Variants in THRB observed in about 807,000 individuals in gnomAD.
THRB encodes nuclear receptor subfamily 1 group A member 2.
Under a neutral mutation model 47.8 loss-of-function variants are expected in THRB, and 12 were observed. The ratio of observed to expected loss-of-function variants is 0.25; its 90% CI spans 0.16 to 0.41. The LOEUF (loss-of-function observed/expected upper bound fraction) is 0.41. Ranked by LOEUF, THRB falls within the 10% of genes least tolerant of loss-of-function variation. The pLI is 1.00. For missense variants in THRB, 348 were observed against 589.2 expected (o/e 0.59, Z 4.24); for synonymous variants, 218 against 212.2 (o/e 1.03, Z -0.24).
chr3:24,245,579 C>T (rs2050029952), intron 3 of THRB, among the ~76,000 whole-genome samples: 1 of 152,154 alleles, frequency 6.6e-6, no homozygotes, highest in South Asian at 2.1e-4. Context: ...CCTCCCCGCA[C>T]AGGGACCACG....
At chr3:24,434,158 T>C (rs933352692) in intron 1 of THRB, among the ~76,000 whole-genome samples, 4 of 152,072 alleles carry the variant, frequency 2.6e-5, no homozygotes, top group African/African-American at 4.8e-5. Context: ...AAAAGGAAGA[T>C]GAAGAGAGGA....
At chr3:24,131,202 GTA>G (rs1207897881) in intron 9 of THRB, among the ~76,000 whole-genome samples, 4 of 152,128 alleles carry the variant, frequency 2.6e-5, no homozygotes, top group African/African-American at 9.7e-5. Context: ...GTATGTATGT[GTA>G]TATGTGTGTG....
chr3:24,215,651 T>C (rs971717947), intron 4 of THRB, among the ~76,000 whole-genome samples: 1 of 152,194 alleles, frequency 6.6e-6, no homozygotes, highest in African/African-American at 2.4e-5. Context: ...CACAGACTCA[T>C]TATCAAAATC....
At chr3:24,185,653 T>G (rs1313303161) in intron 5 of THRB, among the ~76,000 whole-genome samples, 2 of 152,154 alleles carry the variant, frequency 1.3e-5, no homozygotes, top group African/African-American at 4.8e-5. Context: ...GTCCCTGCCT[T>G]GTTTCTCCCC....
At chr3:24,263,606 G>A (rs571775560) in intron 3 of THRB, among the ~76,000 whole-genome samples, 16 of 150,334 alleles carry the variant, frequency 1.1e-4, no homozygotes, top group African/African-American at 3.7e-4. Context: ...CATGTGGATT[G>A]GGGTTACAGG....
chr3:24,254,758 T>C (rs565368220), intron 3 of THRB, among the ~76,000 whole-genome samples: 11 of 152,354 alleles, frequency 7.2e-5, no homozygotes, highest in Admixed American at 2.6e-4. Context: ...GGAATGCATA[T>C]ACCCAAACAA....
rs117770772 is a variant in THRB at position 24,230,635 on chromosome 3, A to G, written c.-42-1634T>C. The stretch of plus-strand genomic sequence containing the variant: ...CGTACCTACAGTATTGCGGGTCCTG[A>G]CTCTGTTGCTCCTCTTAGAAACTGT... On this transcript the variant is annotated intron_variant, in intron 3 of 10. Coordinates refer to ENST00000646209, the MANE Select transcript of THRB (RefSeq NM_001354712.2). Among the ~76,000 whole-genome samples the G allele has an allele frequency of 2.1e-4, 32 of 151,994 alleles. 1 individual carries two copies. The East Asian group carries it at 6.2e-3, about 29-fold the overall frequency.
chr3:24,279,675 G>A (rs538140582), intron 3 of THRB, among the ~76,000 whole-genome samples: 41 of 151,948 alleles, frequency 2.7e-4, no homozygotes, highest in Non-Finnish European at 4.6e-4. Context: ...GATTACAGGC[G>A]TGAGCCACCG....
chr3:24,296,763 C>A (rs142011458), intron 3 of THRB, among the ~76,000 whole-genome samples: 66 of 152,256 alleles, frequency 4.3e-4, no homozygotes, highest in African/African-American at 1.5e-3. Flanking sequence ...ATGTTCCTGG[C>A]AGAGGAGCAT....
intron 1 of THRB, among the ~76,000 whole-genome samples, chr3:24,412,865 A>G: frequency 6.6e-6 from 1 of 151,904 alleles, no homozygotes; most frequent in African/African-American, 2.4e-5. Flanking sequence ...CAGAGGACAC[A>G]GAAAATTTTA....
chr3:24,228,026 G>A (rs1040429359), intron 4 of THRB, among the ~76,000 whole-genome samples: 5 of 152,104 alleles, frequency 3.3e-5, no homozygotes, highest in East Asian at 1.9e-4. Flanking sequence ...TTTAAAATCC[G>A]AATTTCCAAC....
At chr3:24,463,362 G>C (rs1358842315) in intron 1 of THRB, among the ~76,000 whole-genome samples, 1 of 152,160 alleles carries the variant, frequency 6.6e-6, no homozygotes, top group Non-Finnish European at 1.5e-5. Context: ...CTAGGCTCAA[G>C]CCATCCTTCC....
intron 9 of THRB, among the ~76,000 whole-genome samples, chr3:24,131,706 T>A (rs1006105158): frequency 6.6e-6 from 1 of 152,178 alleles, no homozygotes; most frequent in African/African-American, 2.4e-5. Flanking sequence ...CTGTCCATCA[T>A]GAAGGGACAC....
chr3:24,163,283 C>T (rs888431566), intron 5 of THRB, among the ~76,000 whole-genome samples: 7 of 152,098 alleles, frequency 4.6e-5, no homozygotes, highest in Admixed American at 2.0e-4. Flanking sequence ...TGGCAGGTGG[C>T]GGTGGCCTTT....
intron 4 of THRB, among the ~76,000 whole-genome samples, chr3:24,207,540 C>T (rs1390688735): frequency 6.6e-6 from 1 of 152,136 alleles, no homozygotes; most frequent in Non-Finnish European, 1.5e-5. Context: ...CGAGAGACAT[C>T]ATCATCTTGT....
intron 1 of THRB, among the ~76,000 whole-genome samples, chr3:24,461,262 C>T (rs1357267307): frequency 6.6e-6 from 1 of 152,204 alleles, no homozygotes; most frequent in Non-Finnish European, 1.5e-5. Context: ...CCACCGCAAG[C>T]AAGTTACTTA....
At chr3:24,220,573 C>T (rs1411609824) in intron 4 of THRB, among the ~76,000 whole-genome samples, 1 of 152,086 alleles carries the variant, frequency 6.6e-6, no homozygotes, top group Non-Finnish European at 1.5e-5. Flanking sequence ...AGAGAGGGAT[C>T]AAATTTCTGG....
intron 2 of THRB, among the ~76,000 whole-genome samples, chr3:24,321,011 C>T: frequency 6.6e-6 from 1 of 152,198 alleles, no homozygotes; most frequent in East Asian, 1.9e-4. Context: ...CTCTTACCAA[C>T]CCTTTCCCCC....
chr3:24,266,203 G>A (rs1053616331), intron 3 of THRB, among the ~76,000 whole-genome samples: 2 of 151,986 alleles, frequency 1.3e-5, no homozygotes, highest in Non-Finnish European at 2.9e-5. Context: ...CTTAATGAAT[G>A]AACAAAAACA....
Sources: gnomAD v4.1 joint callset for allele counts (sites outside exome capture counted in the v4.1 genomes callset) on GRCh38, gnomAD v4.1.1 for gene constraint, MANE v1.5 for transcripts, NCBI Gene and HGNC (gene_info 2026-07-23, HGNC 2026-07-21) for gene names.